The following ANKRD30B variants were observed in gnomAD, a reference collection of about 807,000 sequenced individuals.
ANKRD30B encodes the protein ankyrin repeat domain 30B, also known as ankyrin repeat domain-containing protein 30B.
A neutral mutation model predicts 202.2 loss-of-function variants in ANKRD30B; 144 were observed. That is an observed-to-expected ratio of 0.71 (90% CI 0.62 to 0.82). The LOEUF is 0.82. Ranked by LOEUF, ANKRD30B falls within the 40% of genes least tolerant of loss-of-function variation. The pLI is 0.00. For synonymous variants in ANKRD30B, 508 were observed against 561.3 expected (o/e 0.91, Z 1.34); for missense variants, 1,487 against 1,669.1 (o/e 0.89, Z 1.90).
At chr18:14,855,693 C>T (rs901434058), downstream of ANKRD30B, among the ~76,000 whole-genome samples, 1 of 149,962 alleles carries the variant, frequency 6.7e-6, no homozygotes, top group African/African-American at 2.5e-5. Flanking sequence ...AGGCACTCCT[C>T]ACCTCCCAGA....
At chr18:14,763,071 A>G (rs1019131198) in intron 6 of ANKRD30B, among the ~76,000 whole-genome samples, 3 of 152,006 alleles carry the variant, frequency 2.0e-5, no homozygotes, top group Non-Finnish European at 4.4e-5. Context: ...TTGCTTCTTT[A>G]TTAAGATACT....
At chr18:14,798,270 G>T (rs1598638166) in intron 20 of ANKRD30B, among the ~76,000 whole-genome samples, 1 of 151,452 alleles carries the variant, frequency 6.6e-6, no homozygotes, top group Admixed American at 6.6e-5. Context: ...GGTTAATGAG[G>T]GATTTAGGGT....
At chr18:14,875,408 A>C in the ANKRD30B span, among the ~76,000 whole-genome samples, 3 of 152,216 alleles carry the variant, frequency 2.0e-5, no homozygotes, top group Non-Finnish European at 4.4e-5. Context: ...GGGCATCTGG[A>C]CAGTGCCAGG....
At chr18:14,800,778 G>A in intron 22 of ANKRD30B, among the ~76,000 whole-genome samples, 1 of 79,694 alleles carries the variant, frequency 1.3e-5, no homozygotes, top group Non-Finnish European at 2.5e-5. Flanking sequence ...CTAATGCATA[G>A]GTGGTTGTAC....
intron 15 of ANKRD30B, among the ~76,000 whole-genome samples, chr18:14,788,087 A>C (rs1465623169): frequency 1.3e-5 from 2 of 152,224 alleles, no homozygotes; most frequent in Non-Finnish European, 2.9e-5. Context: ...GACAGACTCT[A>C]AAAGTTCAAG....
At chr18:14,762,077 G>GA (rs1915346479) in intron 6 of ANKRD30B, among the ~76,000 whole-genome samples, 1 of 152,182 alleles carries the variant, frequency 6.6e-6, no homozygotes, top group South Asian at 2.1e-4. Flanking sequence ...TTATAAGGAG[G>GA]AAAAAATATA....
chr18:14,876,189 G>A, the ANKRD30B span, among the ~76,000 whole-genome samples: 2 of 151,902 alleles, frequency 1.3e-5, no homozygotes, highest in Non-Finnish European at 2.9e-5. Flanking sequence ...CCGGGCTTGG[G>A]GTCTGGAGTT....
At position 14,808,769 on chromosome 18, in the gene ANKRD30B, A is replaced by G. The variant is rs189465589; in HGVS notation, c.2386+25A>G. 1,551 of 1,412,740 alleles carry G rather than the reference A, an allele frequency of 1.1e-3. 27 individuals carry two copies. Among genetic ancestry groups the G allele is most frequent in the Non-Finnish European group, 1.4e-3 (1,420 of 1,042,564 alleles). The allele number at this position is 1,412,740 out of a possible 1,614,324, so 87.5% of individuals were successfully genotyped here. On this transcript the variant is annotated intron_variant, in intron 26 of 43. Coordinates refer to ENST00000690538, the MANE Select transcript of ANKRD30B (RefSeq NM_001367607.2). ...GGTAAATTTTGTAATTTAAATTTTA[A>G]TCTGGAATTAAGAATATTAAACTAT...
chr18:14,927,593 C>T, the ANKRD30B span, among the ~76,000 whole-genome samples: 1 of 152,184 alleles, frequency 6.6e-6, no homozygotes, highest in Non-Finnish European at 1.5e-5. Context: ...TGAAGCAAAG[C>T]CTATTATCTT....
intron 2 of ANKRD30B, 63 bp from the exon 3 acceptor site, chr18:14,752,776 C>G: frequency 6.5e-7 from 1 of 1,545,490 alleles, no homozygotes; most frequent in Non-Finnish European, 8.8e-7. Flanking sequence ...TTTGTGAAAC[C>G]TGTGGAATAC....
the ANKRD30B span, among the ~76,000 whole-genome samples, chr18:14,864,867 C>A: frequency 6.6e-6 from 1 of 151,536 alleles, no homozygotes; most frequent in Non-Finnish European, 1.5e-5. Context: ...CGTCTTTTTG[C>A]AAAGCCTCTT....
chr18:14,808,132 T>C (rs550962598), intron 24 of ANKRD30B, among the ~76,000 whole-genome samples: 25 of 150,798 alleles, frequency 1.7e-4, no homozygotes, highest in African/African-American at 4.4e-4. Flanking sequence ...ACATAAGAGA[T>C]TCTGATGTGT....
At chr18:14,753,574 G>T (rs896634634) in intron 3 of ANKRD30B, among the ~76,000 whole-genome samples, 4 of 152,034 alleles carry the variant, frequency 2.6e-5, no homozygotes, top group Non-Finnish European at 4.4e-5. Flanking sequence ...TTTTGGTAAA[G>T]GTTTCAAGGT....
chr18:14,897,329 C>T, the ANKRD30B span, among the ~76,000 whole-genome samples: 3 of 152,048 alleles, frequency 2.0e-5, no homozygotes, highest in Non-Finnish European at 4.4e-5. Context: ...TACAGGCATG[C>T]ACCACCACGC....
intron 14 of ANKRD30B, 48 bp downstream of exon 14, chr18:14,784,583 A>G: frequency 6.5e-7 from 1 of 1,546,730 alleles, no homozygotes; most frequent in Non-Finnish European, 8.9e-7. Context: ...TCAATATTGG[A>G]CATTTTGATA....
chr18:14,790,317 C>A (rs932644052), intron 15 of ANKRD30B, among the ~76,000 whole-genome samples: 1 of 152,162 alleles, frequency 6.6e-6, no homozygotes, highest in East Asian at 1.9e-4. Flanking sequence ...TCTAGATATA[C>A]AATCATGTCA....
the ANKRD30B span, among the ~76,000 whole-genome samples, chr18:14,888,371 A>G: frequency 5.3e-5 from 8 of 152,042 alleles, no homozygotes; most frequent in Admixed American, 2.6e-4. Flanking sequence ...ATGTTTAAAT[A>G]ATCATTATCA....
the ANKRD30B span, among the ~76,000 whole-genome samples, chr18:14,908,170 A>G: frequency 7.2e-5 from 11 of 152,196 alleles, no homozygotes; most frequent in Non-Finnish European, 1.5e-4. Flanking sequence ...TTTTGGTTGT[A>G]TGAAGCCTCA....
chr18:14,891,827 T>C, the ANKRD30B span, among the ~76,000 whole-genome samples: 4 of 152,188 alleles, frequency 2.6e-5, no homozygotes, highest in Non-Finnish European at 4.4e-5. Context: ...TTCATTGCAT[T>C]AAAGGAAGCA....
Sources: gnomAD v4.1 joint callset for allele counts (sites outside exome capture counted in the v4.1 genomes callset) on GRCh38, gnomAD v4.1.1 for gene constraint, MANE v1.5 for transcripts, NCBI Gene and HGNC (gene_info 2026-07-23, HGNC 2026-07-21) for gene names.